The following RANBP3L variants were observed in gnomAD, a reference collection of about 807,000 sequenced individuals.
RANBP3L encodes ran-binding protein 3-like.
In RANBP3L, 56 loss-of-function variants were observed where a neutral mutation model predicts 67.2. The ratio of observed to expected loss-of-function variants is 0.83; its 90% CI spans 0.67 to 1.04. The LOEUF (loss-of-function observed/expected upper bound fraction) is 1.04. Ranked by LOEUF, RANBP3L falls within the 50% of genes least tolerant of loss-of-function variation. The pLI is 0.00. For missense variants in RANBP3L, 496 were observed against 535.5 expected (o/e 0.93, Z 0.73); for synonymous variants, 164 against 181.4 (o/e 0.90, Z 0.77).
intron 1 of RANBP3L, among the ~76,000 whole-genome samples, chr5:36,289,023 T>C (rs1751522268): frequency 6.6e-6 from 1 of 152,152 alleles, no homozygotes; most frequent in South Asian, 2.1e-4. Context: ...GAAGATATTT[T>C]CCTACATTTC....
At chr5:36,275,616 G>A (rs571988313) in intron 1 of RANBP3L, among the ~76,000 whole-genome samples, 6 of 152,290 alleles carry the variant, frequency 3.9e-5, no homozygotes, top group African/African-American at 1.4e-4. Context: ...TTTTCTTGGT[G>A]TAGGGGAGGA....
At chr5:36,290,726 C>CTTTTTT (rs61105686) in intron 1 of RANBP3L, among the ~76,000 whole-genome samples, 4 of 55,444 alleles carry the variant, frequency 7.2e-5, no homozygotes, top group Admixed American at 2.9e-4. Context: ...ACAACCATGG[C>CTTTTTT]TTTTTTTTTT....
At chr5:36,280,287 C>A (rs977221904) in intron 1 of RANBP3L, among the ~76,000 whole-genome samples, 1 of 152,142 alleles carries the variant, frequency 6.6e-6, no homozygotes, top group Non-Finnish European at 1.5e-5. Flanking sequence ...GGACCAAACC[C>A]TTGAAAACTC....
intron 1 of RANBP3L, among the ~76,000 whole-genome samples, chr5:36,284,028 G>C (rs2112037371): frequency 6.6e-6 from 1 of 151,538 alleles, no homozygotes; most frequent in African/African-American, 2.4e-5. Flanking sequence ...TTGTTGCCCA[G>C]GCTGGAGTGC....
At position 36,270,748 on chromosome 5, in the gene RANBP3L, G is replaced by A. The variant is rs1044075514; in HGVS notation, c.150+505C>T. ...CCAGGCTTCAAACAGTCCTCCCACC[G>A]TGGCCTCGAAACATGCGGGGATTAC... On this transcript the variant is annotated intron_variant, in intron 2 of 13. Coordinates refer to ENST00000296604, the MANE Select transcript of RANBP3L (RefSeq NM_145000.5). 2.5e-4 allele frequency among the ~76,000 whole-genome samples: 38 copies of A among 152,104 alleles called. 1 individual carries two copies. The highest frequency in any genetic ancestry group is 7.2e-4 in the African/African-American group (30 of 41,406).
chr5:36,263,234 A>G (rs1749521480), intron 6 of RANBP3L, among the ~76,000 whole-genome samples: 1 of 152,152 alleles, frequency 6.6e-6, no homozygotes, highest in Non-Finnish European at 1.5e-5. Flanking sequence ...AACTGGAAAT[A>G]AGGTTTATTC....
chr5:36,273,521 C>G (rs1327682618), intron 1 of RANBP3L, among the ~76,000 whole-genome samples: 1 of 152,188 alleles, frequency 6.6e-6, no homozygotes, highest in Non-Finnish European at 1.5e-5. Flanking sequence ...ACCTTCCCTC[C>G]TTGACACTGC....
chr5:36,294,592 G>T (rs1752051577), intron 1 of RANBP3L, among the ~76,000 whole-genome samples: 4 of 151,674 alleles, frequency 2.6e-5, no homozygotes, highest in Admixed American at 2.0e-4. Context: ...AGAGATTCTT[G>T]TATGTTGTGC....
At chr5:36,290,652 ATTT>A (rs34953672) in intron 1 of RANBP3L, among the ~76,000 whole-genome samples, 1 of 147,588 alleles carries the variant, frequency 6.8e-6, no homozygotes, top group Non-Finnish European at 1.5e-5. Context: ...AAAATAAAGG[ATTT>A]TTTTTTTTAT....
intron 1 of RANBP3L, among the ~76,000 whole-genome samples, chr5:36,297,818 G>A (rs1169540194): frequency 6.6e-6 from 1 of 152,110 alleles, no homozygotes; most frequent in Admixed American, 6.6e-5. Flanking sequence ...GAAAACCATG[G>A]CTTAGTTGTC....
rs926502022 is a variant in RANBP3L, at chr5:36,291,023, C to T, written c.91+10303G>A. 2.6e-5 allele frequency among the ~76,000 whole-genome samples: 4 copies of T among 151,410 alleles called. No individual in the cohort carries two copies. The East Asian group carries it at 5.9e-4, about 22-fold the overall frequency. ...CCTCCCAAAGTGCTGGGATTACAGG[C>T]GTGAGCCACCATGCCTGGCCCGGCT... On this transcript the variant is annotated intron_variant, in intron 1 of 13. Coordinates refer to ENST00000296604, the MANE Select transcript of RANBP3L (RefSeq NM_145000.5).
At chr5:36,286,043 G>A (rs991796836) in intron 1 of RANBP3L, among the ~76,000 whole-genome samples, 4 of 152,164 alleles carry the variant, frequency 2.6e-5, no homozygotes, top group Admixed American at 6.5e-5. Flanking sequence ...AATACTGCCT[G>A]GGGAATGTCG....
At chr5:36,281,387 G>A (rs1290712258) in intron 1 of RANBP3L, among the ~76,000 whole-genome samples, 1 of 152,106 alleles carries the variant, frequency 6.6e-6, no homozygotes, top group Non-Finnish European at 1.5e-5. Context: ...GAGAACTAAG[G>A]CTCTAAAATT....
At chr5:36,269,367 T>A (rs927940125) in intron 4 of RANBP3L, 23 bp downstream of exon 4, 10 of 1,334,892 alleles carry the variant, frequency 7.5e-6, no homozygotes, top group Non-Finnish European at 1.1e-5. Flanking sequence ...CAGTGAATAG[T>A]CAACAGTCAA....
chr5:36,247,282 G>C lies in RANBP3L; in HGVS notation c.*2372C>G, dbSNP rs190307692. On this transcript the variant is annotated 3_prime_UTR_variant, in exon 14 of 14. Transcript: ENST00000296604. Reference sequence around the variant, plus strand: ...GTAAGAATTCTAAGAAAGAATAATGGAGTGTATAGAAAATGGGTTGAAAGA... The same window carrying C: ...GTAAGAATTCTAAGAAAGAATAATGCAGTGTATAGAAAATGGGTTGAAAGA... Among the ~76,000 whole-genome samples, 35 of 152,292 alleles carry C rather than the reference G, an allele frequency of 2.3e-4. No individual in the cohort carries two copies. The East Asian group carries it at 6.6e-3, about 29-fold the overall frequency.
At chr5:36,265,711 G>A (rs1749721287) in intron 4 of RANBP3L, among the ~76,000 whole-genome samples, 191 bp from the exon 5 acceptor site, 1 of 152,074 alleles carries the variant, frequency 6.6e-6, no homozygotes, top group African/African-American at 2.4e-5. Context: ...GGTGGCTCGC[G>A]CCTGTAATCC....
In RANBP3L at chr5:36,247,349, T is replaced by C. The variant is rs1748351194; in HGVS notation, c.*2305A>G. On this transcript the variant is annotated 3_prime_UTR_variant, in exon 14 of 14. Transcript: ENST00000296604. ...CATGTTTCTGTTCTTCTTCTCCATT[T>C]CATAATCTGGGAATTTTCTCTTCTC... Among the ~76,000 whole-genome samples, 1 of 152,232 alleles carries C rather than the reference T, an allele frequency of 6.6e-6. No individual in the cohort carries two copies. The highest frequency in any genetic ancestry group is 2.4e-5 in the African/African-American group (1 of 41,474).
intron 1 of RANBP3L, among the ~76,000 whole-genome samples, chr5:36,299,441 C>A (rs1386007237): frequency 6.6e-6 from 1 of 151,300 alleles, no homozygotes; most frequent in Admixed American, 6.6e-5. Context: ...TTCAGGATAG[C>A]CTGGCTTAAA....
At chr5:36,252,697 C>T (rs1748681423) in intron 12 of RANBP3L, among the ~76,000 whole-genome samples, 1 of 152,092 alleles carries the variant, frequency 6.6e-6, no homozygotes, top group Admixed American at 6.6e-5. Flanking sequence ...GGCTCAGTCT[C>T]TGGCATGCTA....
Sources: allele counts gnomAD v4.1 joint callset (sites outside exome capture counted in the v4.1 genomes callset), GRCh38; gene constraint gnomAD v4.1.1; transcripts MANE v1.5; gene names NCBI Gene and HGNC (gene_info 2026-07-23, HGNC 2026-07-21).